LRP1B: variants seen among roughly 807,000 people sequenced by gnomAD.
LRP1B encodes low-density lipoprotein receptor-related protein 1B.
LRP1B carries 217 observed loss-of-function variants against 556.6 expected under a neutral mutation model. The ratio of observed to expected loss-of-function variants is 0.39; its 90% confidence interval spans 0.35 to 0.44. The LOEUF (loss-of-function observed/expected upper bound fraction) is 0.44. Ranked by LOEUF, LRP1B falls within the 20% of genes least tolerant of loss-of-function variation. The probability of loss-of-function intolerance (pLI) is 1.00; values close to 1 mark genes in which losing one functional copy is unlikely to be tolerated. For missense variants in LRP1B, 5,053 were observed against 5,620.8 expected (o/e 0.90, Z 3.23); for synonymous variants, 2,047 against 1,865.8 (o/e 1.10, Z -2.50).
intron 6 of LRP1B, among the ~76,000 whole-genome samples, chr2:141,210,805 T>G (rs928812895): frequency 6.6e-6 from 1 of 152,120 alleles, no homozygotes; most frequent in Non-Finnish European, 1.5e-5. Flanking sequence ...AACAAGTGCA[T>G]AGAATAAACA....
intron 87 of LRP1B, among the ~76,000 whole-genome samples, chr2:140,244,137 T>G (rs1039618336): frequency 1.3e-5 from 2 of 151,410 alleles, no homozygotes; most frequent in African/African-American, 2.4e-5. Context: ...TAGCAGAGAC[T>G]TGATAAACCT....
rs1182078733 is a variant in LRP1B at position 140,268,302 on chromosome 2, G to A, written c.13247+1940C>T. Among the ~76,000 whole-genome samples, 5 of 152,044 alleles carry A rather than the reference G, an allele frequency of 3.3e-5. No homozygotes were observed. The East Asian group carries it at 7.8e-4, about 24-fold the overall frequency. On this transcript the variant is annotated intron_variant, in intron 86 of 90. Coordinates refer to ENST00000389484, the MANE Select transcript of LRP1B (RefSeq NM_018557.3). Reference sequence around the variant, plus strand: ...GCCCTCATCACTTGTTACTTGAAGTGTGGTCAAACCTTTTGATGTAGAGTC... The same window carrying A: ...GCCCTCATCACTTGTTACTTGAAGTATGGTCAAACCTTTTGATGTAGAGTC...
chr2:140,809,165 G>A (rs1690829803), intron 32 of LRP1B, among the ~76,000 whole-genome samples: 1 of 151,938 alleles, frequency 6.6e-6, no homozygotes, highest in Non-Finnish European at 1.5e-5. Context: ...TTTTTTTGTA[G>A]AGTGTTTGGC....
chr2:141,046,076 A>T (rs1046995784), intron 11 of LRP1B, among the ~76,000 whole-genome samples: 3 of 152,166 alleles, frequency 2.0e-5, no homozygotes, highest in African/African-American at 7.2e-5. Flanking sequence ...TAGGAGAAAA[A>T]AAATCAAATA....
intron 7 of LRP1B, among the ~76,000 whole-genome samples, chr2:141,156,953 C>T (rs776430193): frequency 6.6e-6 from 1 of 151,988 alleles, no homozygotes; most frequent in Non-Finnish European, 1.5e-5. Flanking sequence ...AGCAGAACAC[C>T]ATTCCTTTAG....
chr2:140,572,950 A>T (rs75977835), intron 43 of LRP1B, among the ~76,000 whole-genome samples: 1 of 151,910 alleles, frequency 6.6e-6, no homozygotes, highest in Admixed American at 6.6e-5. Flanking sequence ...TAGAAGCTAA[A>T]AACATCGATC....
intron 86 of LRP1B, among the ~76,000 whole-genome samples, chr2:140,255,991 G>T (rs1681658537): frequency 6.6e-6 from 1 of 152,040 alleles, no homozygotes; most frequent in Non-Finnish European, 1.5e-5. Flanking sequence ...TATGTAAATT[G>T]TGTATCATTC....
chr2:140,636,814 T>A (rs957638473), intron 41 of LRP1B, among the ~76,000 whole-genome samples: 3 of 152,176 alleles, frequency 2.0e-5, no homozygotes, highest in Admixed American at 2.0e-4. Flanking sequence ...GGGAAATAAA[T>A]GCATTACCCA....
chr2:141,117,261 T>G (rs1288495495), intron 7 of LRP1B, among the ~76,000 whole-genome samples: 1 of 149,138 alleles, frequency 6.7e-6, no homozygotes, highest in Non-Finnish European at 1.5e-5. Flanking sequence ...TTTTAACAAT[T>G]CAAAAGAATC....
At chr2:142,008,540 C>A (rs917211529) in intron 1 of LRP1B, among the ~76,000 whole-genome samples, 2 of 143,852 alleles carry the variant, frequency 1.4e-5, no homozygotes, top group Admixed American at 6.9e-5. Flanking sequence ...TTTTAACTTT[C>A]TTTCAGGGGC....
intron 2 of LRP1B, among the ~76,000 whole-genome samples, chr2:141,682,196 C>T (rs138776159): frequency 4.0e-3 from 603 of 151,930 alleles, no homozygotes; most frequent in Admixed American, 6.8e-3. Flanking sequence ...AGCTAGAGAT[C>T]GGATAGAGAT....
intron 60 of LRP1B, among the ~76,000 whole-genome samples, chr2:140,472,963 A>G (rs1169760271): frequency 2.6e-5 from 4 of 152,092 alleles, no homozygotes; most frequent in Non-Finnish European, 5.9e-5. Flanking sequence ...TGGTTTTAAA[A>G]AAGTGGCTAG....
In LRP1B at chr2:140,278,467, C is replaced by T. The variant is rs141820061; in HGVS notation, c.12968-3869G>A. Among the ~76,000 whole-genome samples, 812 of 152,044 alleles carry T rather than the reference C, an allele frequency of 5.3e-3. 5 individuals carry two copies. Among genetic ancestry groups the T allele is most frequent in the South Asian group, 0.014 (69 of 4,826 alleles). On this transcript the variant is annotated intron_variant, in intron 84 of 90. Transcript: ENST00000389484. ...GCTAACTAGGCTAAATAGTTTTTCT[C>T]TTTGTAGGGACAACTTTTAAAAGGA...
intron 2 of LRP1B, among the ~76,000 whole-genome samples, chr2:141,617,092 C>T (rs1019430112): frequency 6.6e-5 from 10 of 152,104 alleles, no homozygotes; most frequent in South Asian, 4.1e-4. Flanking sequence ...ATTTTATCAT[C>T]GGGGTATATC....
intron 2 of LRP1B, among the ~76,000 whole-genome samples, chr2:141,622,539 A>G (rs1187325078): frequency 1.3e-5 from 2 of 152,170 alleles, no homozygotes; most frequent in African/African-American, 2.4e-5. Flanking sequence ...TTGAACCTCA[A>G]CTTCTTGCTA....
chr2:140,823,056 C>T (rs1159415404), intron 31 of LRP1B, among the ~76,000 whole-genome samples: 1 of 152,028 alleles, frequency 6.6e-6, no homozygotes, highest in African/African-American at 2.4e-5. Context: ...ATGGTTCTAC[C>T]ATATGAAACC....
intron 1 of LRP1B, among the ~76,000 whole-genome samples, chr2:142,091,095 T>C (rs1439290890): frequency 6.6e-6 from 1 of 152,040 alleles, no homozygotes; most frequent in Admixed American, 6.6e-5. Context: ...TCTGCCTGAA[T>C]TAGAGAAACT....
At chr2:141,852,546 A>G (rs776759335) in intron 1 of LRP1B, among the ~76,000 whole-genome samples, 1 of 151,780 alleles carries the variant, frequency 6.6e-6, no homozygotes, top group Non-Finnish European at 1.5e-5. Context: ...ACAAGAAATA[A>G]TAATCACAGA....
intron 66 of LRP1B, among the ~76,000 whole-genome samples, chr2:140,400,162 T>C (rs2105226607): frequency 6.6e-6 from 1 of 152,258 alleles, no homozygotes; most frequent in East Asian, 1.9e-4. Context: ...ATATTCACCA[T>C]TTCTGTCCAC....
Sources: gnomAD v4.1 joint callset for allele counts (sites outside exome capture counted in the v4.1 genomes callset) on GRCh38, gnomAD v4.1.1 for gene constraint, MANE v1.5 for transcripts, NCBI Gene and HGNC (gene_info 2026-07-23, HGNC 2026-07-21) for gene names.